Variants in EPHA6 observed in about 807,000 individuals in gnomAD.
EPHA6 encodes the protein ephrin type-A receptor 6.
In EPHA6, 50 loss-of-function variants were observed where a neutral mutation model predicts 112.0. The observed-to-expected ratio is 0.45, with a 90% CI of 0.36 to 0.56. The LOEUF (loss-of-function observed/expected upper bound fraction) is 0.56, where lower values mean the gene tolerates loss of function less well. EPHA6 is among the 20% of genes least tolerant of loss of function. EPHA6 has a pLI of 0.00. For missense variants in EPHA6, 1,280 were observed against 1,417.4 expected (o/e 0.90, Z 1.56); for synonymous variants, 529 against 490.7 (o/e 1.08, Z -1.03).
intron 3 of EPHA6, among the ~76,000 whole-genome samples, chr3:97,034,578 T>G (rs531099659): frequency 1.3e-5 from 2 of 152,032 alleles, no homozygotes; most frequent in South Asian, 4.1e-4. Flanking sequence ...TATAAATTAT[T>G]TTTTAAAACA....
chr3:97,599,874 T>C (rs1269906367), intron 12 of EPHA6, among the ~76,000 whole-genome samples: 1 of 152,106 alleles, frequency 6.6e-6, no homozygotes, highest in African/African-American at 2.4e-5. Flanking sequence ...GCCATGTTCA[T>C]GATATTGATT....
chr3:97,426,480 A>G lies in EPHA6; in HGVS notation c.1731+21206A>G, dbSNP rs925007204. The stretch of plus-strand genomic sequence containing the variant: ...TGACATGTGGGGACTATTACTATTC[A>G]AGGTGAGGTTTGGGTGGGGACACAG... On this transcript the variant is annotated intron_variant, in intron 6 of 17. Transcript: ENST00000389672. Among the ~76,000 whole-genome samples the G allele has an allele frequency of 2.1e-4, 32 of 152,308 alleles. 1 individual carries two copies. The highest frequency in any genetic ancestry group is 1.2e-3 in the East Asian group (6 of 5,184).
chr3:97,607,184 C>CAA lies in EPHA6; in HGVS notation c.2513-3594_2513-3593dup, dbSNP rs11437335. On this transcript the variant is annotated intron_variant, in intron 12 of 17. Coordinates refer to ENST00000389672, the MANE Select transcript of EPHA6 (RefSeq NM_001080448.3). ...TTTTTTTCACAAATATTGTCTGAGGCAAAAAAAAAAAAAAAACACAAAAAG... is the reference window on the plus strand; with the variant it reads ...TTTTTTTCACAAATATTGTCTGAGGCAAAAAAAAAAAAAAAAAACACAAAAAG... Among the ~76,000 whole-genome samples the CAA allele has an allele frequency of 2.6e-3, 223 of 86,008 alleles. 1 individual carries two copies. The highest frequency in any genetic ancestry group is 4.8e-3 in the African/African-American group (134 of 28,016). 56.4% of individuals were successfully genotyped at this position (86,008 alleles called of 152,430 possible). A position where few individuals can be genotyped will look rare whatever the true frequency, so the allele number is the denominator to read the frequency against.
At chr3:96,906,974 G>A (rs1240521972) in intron 2 of EPHA6, among the ~76,000 whole-genome samples, 1 of 151,850 alleles carries the variant, frequency 6.6e-6, no homozygotes, top group African/African-American at 2.4e-5. Context: ...TAATGAAGGA[G>A]AATGGAATGG....
intron 7 of EPHA6, among the ~76,000 whole-genome samples, chr3:97,458,545 T>C (rs2090776302): frequency 6.6e-6 from 1 of 152,164 alleles, no homozygotes; most frequent in Non-Finnish European, 1.5e-5. Flanking sequence ...TGTGTGTATA[T>C]ATATGTACAT....
rs754917681 is a variant in EPHA6 at position 96,930,992 on chromosome 3, CA to C, written c.451-56309del. Among the ~76,000 whole-genome samples the C allele has an allele frequency of 5.5e-4, 19 of 34,782 alleles. 1 individual carries two copies. The highest frequency in any genetic ancestry group is 3.9e-3 in the East Asian group (7 of 1,788). The allele number at this position is 34,782 out of a possible 152,430, so 22.8% of individuals were successfully genotyped here. On this transcript the variant is annotated intron_variant, in intron 2 of 17. Coordinates refer to ENST00000389672, the MANE Select transcript of EPHA6 (RefSeq NM_001080448.3). ...GGGTGACAGAGTGAGACTCTGTCTCCAAAAAAAAAAAAAAAAAAAAAAAAAA... is the reference window on the plus strand; with the variant it reads ...GGGTGACAGAGTGAGACTCTGTCTCCAAAAAAAAAAAAAAAAAAAAAAAAA...
At chr3:97,154,935 G>A (rs2076255357) in intron 3 of EPHA6, among the ~76,000 whole-genome samples, 1 of 152,114 alleles carries the variant, frequency 6.6e-6, no homozygotes, top group Non-Finnish European at 1.5e-5. Context: ...ATATAAATTA[G>A]ATGGTTATGT....
At chr3:97,158,239 T>C (rs1468537715) in intron 3 of EPHA6, among the ~76,000 whole-genome samples, 1 of 152,098 alleles carries the variant, frequency 6.6e-6, no homozygotes, top group Non-Finnish European at 1.5e-5. Context: ...AATGAAAATA[T>C]TTGCTTTATC....
chr3:97,010,964 G>C (rs1243100091), intron 3 of EPHA6, among the ~76,000 whole-genome samples: 1 of 152,156 alleles, frequency 6.6e-6, no homozygotes, highest in Non-Finnish European at 1.5e-5. Flanking sequence ...AAAATGTAGG[G>C]ATGTGTATGT....
intron 3 of EPHA6, among the ~76,000 whole-genome samples, chr3:97,031,800 G>A (rs568481234): frequency 1.6e-4 from 24 of 152,230 alleles, no homozygotes; most frequent in African/African-American, 5.3e-4. Context: ...GGAAACAACA[G>A]GTGCTGGAGA....
At chr3:97,493,795 C>T (rs957160692) in intron 10 of EPHA6, among the ~76,000 whole-genome samples, 1 of 152,140 alleles carries the variant, frequency 6.6e-6, no homozygotes, top group Non-Finnish European at 1.5e-5. Flanking sequence ...AGAGCTCTGT[C>T]TGAACTTAGA....
At chr3:97,292,369 C>T (rs1008996860) in intron 5 of EPHA6, among the ~76,000 whole-genome samples, 14 of 152,220 alleles carry the variant, frequency 9.2e-5, no homozygotes, top group African/African-American at 2.9e-4. Flanking sequence ...CAACTCTTTC[C>T]GTCCTGCCAT....
intron 5 of EPHA6, among the ~76,000 whole-genome samples, chr3:97,360,677 A>G (rs1330107812): frequency 1.3e-5 from 2 of 152,188 alleles, no homozygotes; most frequent in Admixed American, 6.5e-5. Flanking sequence ...TGCATTATTT[A>G]ACTTAAACCA....
chr3:96,865,155 T>C (rs921427589), intron 1 of EPHA6, among the ~76,000 whole-genome samples: 6 of 152,074 alleles, frequency 3.9e-5, no homozygotes, highest in South Asian at 2.1e-4. Flanking sequence ...ATTTATGACT[T>C]AGTTTTACAA....
intron 3 of EPHA6, among the ~76,000 whole-genome samples, chr3:97,167,722 A>C (rs1010286555): frequency 3.9e-5 from 6 of 152,114 alleles, no homozygotes; most frequent in African/African-American, 7.2e-5. Flanking sequence ...TTGCATGAGG[A>C]ACAGCCTAAT....
intron 1 of EPHA6, among the ~76,000 whole-genome samples, chr3:96,853,290 A>G (rs1415810876): frequency 6.6e-6 from 1 of 152,140 alleles, no homozygotes; most frequent in Non-Finnish European, 1.5e-5. Context: ...TGAAAACCCA[A>G]CCAAATAGGA....
At chr3:97,057,946 A>G (rs1295757950) in intron 3 of EPHA6, among the ~76,000 whole-genome samples, 1 of 152,126 alleles carries the variant, frequency 6.6e-6, no homozygotes, top group Non-Finnish European at 1.5e-5. Flanking sequence ...TCTTGGGCCT[A>G]TTATATGTTG....
intron 5 of EPHA6, among the ~76,000 whole-genome samples, chr3:97,254,484 G>C (rs577833381): frequency 1.3e-5 from 2 of 152,032 alleles, no homozygotes; most frequent in Non-Finnish European, 2.9e-5. Flanking sequence ...CATTGTGCCC[G>C]GCCTTAATTA....
At chr3:97,591,750 T>A (rs965610145) in intron 11 of EPHA6, among the ~76,000 whole-genome samples, 10 of 152,332 alleles carry the variant, frequency 6.6e-5, no homozygotes, top group Admixed American at 2.6e-4. Flanking sequence ...CTAACTCATA[T>A]TCAGAGGATA....
Sources: allele counts gnomAD v4.1 joint callset (sites outside exome capture counted in the v4.1 genomes callset), GRCh38; gene constraint gnomAD v4.1.1; transcripts MANE v1.5; gene names NCBI Gene and HGNC (gene_info 2026-07-23, HGNC 2026-07-21).